COP1: variants seen among roughly 807,000 people sequenced by gnomAD.
The protein encoded by COP1 is COP1 E3 ubiquitin ligase.
Under a neutral mutation model 101.3 loss-of-function variants are expected in COP1, and 24 were observed. That is an observed-to-expected ratio of 0.24 (90% CI 0.17 to 0.33). COP1 has a LOEUF of 0.33. COP1 is among the 10% of genes least tolerant of loss of function. The pLI is 1.00. For missense variants in COP1, 663 were observed against 906.2 expected (o/e 0.73, Z 3.45); for synonymous variants, 347 against 341.9 (o/e 1.01, Z -0.17).
At chr1:176,197,347 G>A (rs1180769953) in intron 1 of COP1, among the ~76,000 whole-genome samples, 3 of 152,142 alleles carry the variant, frequency 2.0e-5, no homozygotes, top group East Asian at 1.9e-4. Flanking sequence ...CCAGAAGTTC[G>A]AGGATGCAGT....
chr1:176,203,875 A>C (rs1700554650), intron 1 of COP1, among the ~76,000 whole-genome samples: 2 of 152,206 alleles, frequency 1.3e-5, no homozygotes, highest in Admixed American at 1.3e-4. Context: ...AACAGTTCTC[A>C]AGGAGGGGAG....
Position 175,947,315 on chromosome 1 carries a change from A to T in COP1, c.2134-76T>A, listed in dbSNP as rs1553273665. The stretch of plus-strand genomic sequence containing the variant: ...CAATCCAAGAGATAATTTCCTCTTC[A>T]TCCTTCTTTCTTCACTTCAATTCCT... On this transcript the variant is annotated intron_variant, in intron 18 of 19. Transcript: ENST00000367669. 3.1e-6 allele frequency: 3 copies of T among 953,966 alleles called. No individual in the cohort carries two copies. The South Asian group carries it at 4.0e-5, about 13-fold the overall frequency. 59.1% of individuals were successfully genotyped at this position (953,966 alleles called of 1,614,324 possible). A position where few individuals can be genotyped will look rare whatever the true frequency, so the allele number is the denominator to read the frequency against.
chr1:176,054,613 T>C (rs546260008), intron 11 of COP1, among the ~76,000 whole-genome samples: 88 of 152,186 alleles, frequency 5.8e-4, no homozygotes, highest in Non-Finnish European at 1.1e-3. Flanking sequence ...TTCCGAACGA[T>C]GTGCTCCTAG....
intron 18 of COP1, among the ~76,000 whole-genome samples, chr1:175,974,027 A>G (rs1653907205): frequency 6.6e-6 from 1 of 152,184 alleles, no homozygotes; most frequent in Non-Finnish European, 1.5e-5. Context: ...CTGATAAAGA[A>G]GGTTGTTAGA....
At chr1:176,173,786 G>A (rs1696486072) in intron 3 of COP1, among the ~76,000 whole-genome samples, 1 of 151,608 alleles carries the variant, frequency 6.6e-6, no homozygotes, top group South Asian at 2.1e-4. Flanking sequence ...CCAGGAGTTC[G>A]AGACCAGCCT....
At chr1:176,143,651 T>C (rs1040955068) in intron 6 of COP1, among the ~76,000 whole-genome samples, 4 of 151,960 alleles carry the variant, frequency 2.6e-5, no homozygotes, top group Non-Finnish European at 4.4e-5. Flanking sequence ...ACGGCCAAGT[T>C]TGGTTTATAT....
chr1:176,169,951 T>C (rs1032198808), intron 3 of COP1, among the ~76,000 whole-genome samples: 6 of 152,266 alleles, frequency 3.9e-5, no homozygotes, highest in African/African-American at 1.2e-4. Context: ...AATTCTTTGA[T>C]GTCATTTCAA....
At chr1:176,013,321 T>C (rs1248117093) in intron 15 of COP1, among the ~76,000 whole-genome samples, 1 of 152,162 alleles carries the variant, frequency 6.6e-6, no homozygotes, top group East Asian at 1.9e-4. Context: ...GAAATTTACT[T>C]AGCTAGGGGG....
At chr1:176,023,718 C>CAAAAAAAAAAA (rs759455090) in intron 15 of COP1, among the ~76,000 whole-genome samples, 17 of 122,068 alleles carry the variant, frequency 1.4e-4, no homozygotes, top group Non-Finnish European at 2.5e-4. Flanking sequence ...AACTCCATCT[C>CAAAAAAAAAAA]AAAAAAAAAA....
intron 11 of COP1, among the ~76,000 whole-genome samples, chr1:176,076,000 T>A (rs1181345083): frequency 1.0e-4 from 3 of 28,922 alleles, no homozygotes; most frequent in South Asian, 1.8e-3. Context: ...CAAAACTCCA[T>A]CTCAAAAAAA....
At chr1:175,946,083 CTT>C (rs1162971187) in intron 19 of COP1, among the ~76,000 whole-genome samples, 1 of 152,146 alleles carries the variant, frequency 6.6e-6, no homozygotes, top group Non-Finnish European at 1.5e-5. Context: ...CAATTCATGA[CTT>C]GACATGAGAG....
Position 176,081,210 on chromosome 1 carries a change from G to C in COP1, c.1219C>G (p.Pro407Ala). 3 of 1,610,546 alleles carry C rather than the reference G, an allele frequency of 1.9e-6. No homozygotes were observed. The highest frequency in any genetic ancestry group is 2.5e-6 in the Non-Finnish European group (3 of 1,178,032). Reference protein sequence around the residue: ...SKFTRYNSVRPLATLSYASDL... With the variant: ...SKFTRYNSVRALATLSYASDL... ...CTAGCATATGACAATGTGGCTAAAG[G>C]TCGTACTGAATTATATCGAGTAAAC... is the stretch of plus-strand genomic sequence containing the variant. The change falls in exon 11 of 20, where the codon CCT (proline) becomes GCT (alanine). Residue 407 changes from proline to alanine, a missense_variant. Transcript: ENST00000367669.
intron 11 of COP1, among the ~76,000 whole-genome samples, chr1:176,055,531 C>G (rs1032278341): frequency 6.6e-6 from 1 of 152,196 alleles, no homozygotes; most frequent in Non-Finnish European, 1.5e-5. Flanking sequence ...TTGGTGATCT[C>G]ATATAGTCTC....
intron 18 of COP1, among the ~76,000 whole-genome samples, chr1:175,978,734 G>A (rs1655135163): frequency 6.6e-6 from 1 of 152,022 alleles, no homozygotes; most frequent in Admixed American, 6.6e-5. Context: ...AATCCAGTCA[G>A]AGGAAAGAAG....
intron 11 of COP1, among the ~76,000 whole-genome samples, chr1:176,070,606 G>A (rs1295586185): frequency 6.6e-6 from 1 of 152,036 alleles, no homozygotes; most frequent in Non-Finnish European, 1.5e-5. Flanking sequence ...AGGTTGCAGT[G>A]AGCCAAGACC....
At chr1:176,137,283 C>T (rs1689956828) in intron 6 of COP1, among the ~76,000 whole-genome samples, 1 of 152,140 alleles carries the variant, frequency 6.6e-6, no homozygotes, top group East Asian at 1.9e-4. Context: ...TTCCCTTTCT[C>T]ATTAGAGATT....
intron 14 of COP1, among the ~76,000 whole-genome samples, chr1:176,041,191 A>G (rs1269342530): frequency 2.0e-5 from 3 of 152,160 alleles, no homozygotes; most frequent in South Asian, 2.1e-4. Context: ...ATTTGGTGGT[A>G]TATCTATCTA....
chr1:175,996,838 G>T (rs1660278307), intron 15 of COP1, among the ~76,000 whole-genome samples: 1 of 152,074 alleles, frequency 6.6e-6, no homozygotes, highest in African/African-American at 2.4e-5. Flanking sequence ...GTAATTTATA[G>T]ATTCAATGCC....
intron 15 of COP1, among the ~76,000 whole-genome samples, chr1:176,015,750 T>C (rs1364487626): frequency 2.6e-5 from 4 of 152,046 alleles, no homozygotes; most frequent in Non-Finnish European, 5.9e-5. Flanking sequence ...TTATATTAAA[T>C]AGTAATGAAA....
Sources: gnomAD v4.1 joint callset for allele counts (sites outside exome capture counted in the v4.1 genomes callset) on GRCh38, gnomAD v4.1.1 for gene constraint, MANE v1.5 for transcripts, NCBI Gene and HGNC (gene_info 2026-07-23, HGNC 2026-07-21) for gene names.